CEP112: variants seen among roughly 807,000 people sequenced by gnomAD.
CEP112 encodes the protein centrosomal protein of 112 kDa.
Under a neutral mutation model 153.0 loss-of-function variants are expected in CEP112, and 127 were observed. That is an observed-to-expected ratio of 0.83 (90% confidence interval 0.72 to 0.96). The LOEUF (loss-of-function observed/expected upper bound fraction) is 0.96. Ranked by LOEUF, CEP112 falls within the 40% of genes least tolerant of loss-of-function variation. The probability of loss-of-function intolerance (pLI) is 0.00; values close to 1 mark genes in which losing one functional copy is unlikely to be tolerated. For missense variants in CEP112, 1,089 were observed against 1,101.2 expected, an observed-to-expected ratio of 0.99 and a Z score of 0.16; for synonymous variants, 358 against 374.4, an observed-to-expected ratio of 0.96 and a Z score of 0.51.
At chr17:65,840,424 A>C (rs1048986691) in intron 21 of CEP112, among the ~76,000 whole-genome samples, 6 of 152,096 alleles carry the variant, frequency 3.9e-5, no homozygotes, top group Admixed American at 2.0e-4. Flanking sequence ...CCTTCAATAA[A>C]CAGTACTGGC....
intron 20 of CEP112, among the ~76,000 whole-genome samples, chr17:65,861,885 T>C (rs2058321575): frequency 6.6e-6 from 1 of 152,212 alleles, no homozygotes; most frequent in Admixed American, 6.5e-5. Flanking sequence ...TGAGAATCTC[T>C]TACACGTGAA....
Position 66,095,449 on chromosome 17 carries a change from T to C in CEP112, c.768+802A>G, listed in dbSNP as rs149424711. ...GGCAAATACCACATGATCTCACTTATATGTGGATTCTAAAAAAGGTGAACT... is the reference window on the plus strand; with the variant it reads ...GGCAAATACCACATGATCTCACTTACATGTGGATTCTAAAAAAGGTGAACT... On this transcript the variant is annotated intron_variant, in intron 8 of 26. Transcript: ENST00000535342. Among the ~76,000 whole-genome samples the C allele has an allele frequency of 7.1e-3, 1,075 of 152,254 alleles. 4 individuals carry two copies. Among genetic ancestry groups the C allele is most frequent in the Non-Finnish European group, 9.9e-3 (673 of 68,012 alleles).
In CEP112 at chr17:65,961,561, G is replaced by C; in HGVS notation, c.1774C>G (p.Gln592Glu). Residue 592 changes from glutamine to glutamate, a missense_variant, in exon 18 of 27, where the codon CAG becomes GAG. By Grantham distance (29) the Gln-to-Glu change is conservative (BLOSUM62 2). Coordinates refer to ENST00000535342, the MANE Select transcript of CEP112 (RefSeq NM_001199165.4). ...EEQLTRVTEV[Q>E]RLQAQQADAA... The stretch of plus-strand genomic sequence containing the variant: ...TCTGCCTGCTGGGCCTGCAACCTCT[G>C]AACTTCAGTCACACGAGTTAGCTGC... 6 of 1,613,100 alleles carry C rather than the reference G, an allele frequency of 3.7e-6. No individual in the cohort carries two copies. Among genetic ancestry groups the C allele is most frequent in the Non-Finnish European group, 5.1e-6 (6 of 1,179,260 alleles).
chr17:65,915,719 C>T (rs536879111), intron 19 of CEP112, among the ~76,000 whole-genome samples: 4 of 138,468 alleles, frequency 2.9e-5, no homozygotes, highest in East Asian at 2.2e-4. Flanking sequence ...ACCCAGGAGG[C>T]GGAGGCTGCA....
At chr17:65,678,327 C>T (rs2047337955) in intron 24 of CEP112, among the ~76,000 whole-genome samples, 1 of 152,126 alleles carries the variant, frequency 6.6e-6, no homozygotes, top group Non-Finnish European at 1.5e-5. Flanking sequence ...CAGGTTAATA[C>T]TTGATAATTC....
Position 65,852,032 on chromosome 17 carries a change from A to G in CEP112, c.2166T>C (p.Val722=), listed in dbSNP as rs2057952556. The part of the protein sequence containing the change: ...IQEFKKRDAQ[V]IADMEAQVHK... The stretch of plus-strand genomic sequence containing the variant: ...GAACCTGGGCCTCCATGTCGGCAAT[A>G]ACCTTGTTTTTAAAAATGGAAAAAT... The change falls in exon 21 of 27, where the codon GTT becomes GTC. Residue 722 remains valine, a splice_region_variant and synonymous_variant. Transcript: ENST00000535342. The G allele has an allele frequency of 6.9e-6, 11 of 1,597,556 alleles. No individual in the cohort carries two copies. Among genetic ancestry groups the G allele is most frequent in the Non-Finnish European group, 9.4e-6 (11 of 1,175,192 alleles).
At chr17:65,801,989 T>C (rs2055306855) in intron 21 of CEP112, among the ~76,000 whole-genome samples, 1 of 152,198 alleles carries the variant, frequency 6.6e-6, no homozygotes, top group Non-Finnish European at 1.5e-5. Flanking sequence ...TCAGATTCTC[T>C]TCCTTCCCCC....
At chr17:66,151,137 A>C (rs2071193901) in intron 4 of CEP112, among the ~76,000 whole-genome samples, 1 of 152,000 alleles carries the variant, frequency 6.6e-6, no homozygotes, top group African/African-American at 2.4e-5. Flanking sequence ...TTTTTATCCA[A>C]TCCAAAAAGC....
At chr17:65,977,348 C>T (rs1038361308) in intron 17 of CEP112, among the ~76,000 whole-genome samples, 2 of 152,120 alleles carry the variant, frequency 1.3e-5, no homozygotes, top group Non-Finnish European at 2.9e-5. Flanking sequence ...GTCAGTCTCG[C>T]AGTTTTCCAG....
chr17:65,714,155 A>G (rs9907537), intron 23 of CEP112, among the ~76,000 whole-genome samples: 22,410 of 152,076 alleles, frequency 0.15, 2,258 homozygotes, highest in African/African-American at 0.27. Context: ...AGCTCCAAGC[A>G]TCATCTCTCT....
chr17:65,843,547 T>C (rs913762268), intron 21 of CEP112, among the ~76,000 whole-genome samples: 2 of 152,200 alleles, frequency 1.3e-5, no homozygotes, highest in Admixed American at 1.3e-4. Context: ...ATATTAATCC[T>C]TTAATTATAA....
At chr17:66,065,778 C>T (rs1321065561) in intron 10 of CEP112, among the ~76,000 whole-genome samples, 2 of 151,912 alleles carry the variant, frequency 1.3e-5, no homozygotes, top group Non-Finnish European at 1.5e-5. Context: ...TACAGGCGCC[C>T]GCCACCACGC....
intron 23 of CEP112, among the ~76,000 whole-genome samples, chr17:65,705,951 C>CAGTG (rs1567891726): frequency 1.3e-5 from 2 of 152,196 alleles, no homozygotes; most frequent in African/African-American, 4.8e-5. Flanking sequence ...CTGAAATACA[C>CAGTG]AGTGTAAAAC....
intron 11 of CEP112, among the ~76,000 whole-genome samples, chr17:66,062,643 G>A (rs2066968630): frequency 6.6e-6 from 1 of 151,962 alleles, no homozygotes; most frequent in African/African-American, 2.4e-5. Flanking sequence ...AATTAAAATG[G>A]CTTAATTTCC....
chr17:65,781,265 G>A (rs62065062), intron 21 of CEP112, among the ~76,000 whole-genome samples: 80,226 of 151,892 alleles, frequency 0.53, 23,105 homozygotes, highest in Non-Finnish European at 0.66. Context: ...TCTCATCTAC[G>A]ATAGCTACAT....
chr17:65,674,392 C>T (rs1396830774), intron 24 of CEP112, among the ~76,000 whole-genome samples: 4 of 152,178 alleles, frequency 2.6e-5, no homozygotes, highest in Non-Finnish European at 5.9e-5. Context: ...ATTTGTAAAG[C>T]TGGCATGTGG....
chr17:66,121,694 T>C (rs1315472296), intron 6 of CEP112, among the ~76,000 whole-genome samples: 1 of 150,052 alleles, frequency 6.7e-6, no homozygotes, highest in African/African-American at 2.4e-5. Flanking sequence ...TTCCATCTGT[T>C]TTTTTTTTTT....
intron 21 of CEP112, among the ~76,000 whole-genome samples, chr17:65,752,115 T>G (rs1279581647): frequency 1.3e-5 from 2 of 152,106 alleles, no homozygotes; most frequent in Non-Finnish European, 2.9e-5. Flanking sequence ...ATTTTAATTT[T>G]TTTCTGCTCA....
intron 5 of CEP112, among the ~76,000 whole-genome samples, chr17:66,131,987 G>A (rs2070191521): frequency 6.6e-6 from 1 of 151,300 alleles, no homozygotes; most frequent in African/African-American, 2.4e-5. Flanking sequence ...TGGTCAACAT[G>A]GTGAAACCCT....
Sources: allele counts gnomAD v4.1 joint callset (sites outside exome capture counted in the v4.1 genomes callset), GRCh38; gene constraint gnomAD v4.1.1; transcripts MANE v1.5; gene names NCBI Gene and HGNC (gene_info 2026-07-23, HGNC 2026-07-21).